The following MBD3 variants were observed in gnomAD, a reference collection of about 807,000 sequenced individuals.
MBD3 encodes the protein methyl-CpG binding domain protein 3, also known as methyl-CpG-binding domain protein 3.
A neutral mutation model predicts 31.2 loss-of-function variants in MBD3; 13 were observed. That is an observed-to-expected ratio of 0.42 (90% CI 0.27 to 0.66). MBD3 has a LOEUF of 0.66. MBD3 is among the 30% of genes least tolerant of loss of function. The pLI, the probability that MBD3 is intolerant of heterozygous loss-of-function variation, is 0.26. For synonymous variants in MBD3, 223 were observed against 187.4 expected (o/e 1.19, Z -1.55); for missense variants, 440 against 426.5 (o/e 1.03, Z -0.28).
rs1461267971 is a variant in MBD3, at chr19:1,579,203, AAAAAAAGC to A, written c.678-673_678-666del. On this transcript the variant is annotated intron_variant, in intron 5 of 6. Transcript: ENST00000434436. ...TGCCAAAAAAAAAAAAAAAAAAAAA[AAAAAAAGC>A]AAGCCTCACCAAAATCAGCTACCAT... 2.6e-3 allele frequency among the ~76,000 whole-genome samples: 395 copies of A among 149,634 alleles called. 3 individuals are homozygous for A. Among genetic ancestry groups the A allele is most frequent in the African/African-American group, 9.1e-3 (369 of 40,676 alleles).
At position 1,578,469 on chromosome 19, in the gene MBD3, C is replaced by T. The variant is rs35359736; in HGVS notation, c.747G>A (p.Ala249=). 4.1e-5 allele frequency: 66 copies of T among 1,610,128 alleles called. No homozygotes were observed. The highest frequency in any genetic ancestry group is 1.8e-4 in the Admixed American group (11 of 60,014). ...LEEALMADML[A]HVEELARDGE... is the part of the protein sequence containing the mutation. ...CGTCACGGGCCAGCTCCTCCACGTG[C>T]GCCAGCATGTCGGCCATCAGCGCCT... Residue 249 remains alanine, a synonymous_variant, in exon 6 of 7, where the codon GCG becomes GCA. Coordinates refer to ENST00000434436, the MANE Select transcript of MBD3 (RefSeq NM_001281453.2). The surrounding 1 kb of genome is among the most constrained non-coding windows in gnomAD (Gnocchi z 6.1).
chr19:1,582,275 G>A (rs926554591), intron 4 of MBD3, among the ~76,000 whole-genome samples: 16 of 152,154 alleles, frequency 1.1e-4, no homozygotes, highest in African/African-American at 3.9e-4. Context: ...GGACGTGCTG[G>A]GAGAGTACAG....
chr19:1,585,001 G>A lies in MBD3; in HGVS notation c.270+54C>T, dbSNP rs1599345001. The A allele has an allele frequency of 6.3e-7, 1 of 1,599,866 alleles. No individual in the cohort carries two copies. On this transcript the variant is annotated intron_variant, in intron 2 of 6. Transcript: ENST00000434436. The surrounding 1 kb of genome is among the most constrained non-coding windows in gnomAD (Gnocchi z 4.1). ...CGCCTGCAGCTCACGTCATGGCCGC[G>A]TCCCCGCCTAGAACGCCCCGCGCCG... is the stretch of plus-strand genomic sequence containing the variant.
chr19:1,588,068 T>A (rs2060687367), intron 1 of MBD3, among the ~76,000 whole-genome samples: 1 of 152,216 alleles, frequency 6.6e-6, no homozygotes, highest in African/African-American at 2.4e-5. Flanking sequence ...CAATCGCCTC[T>A]ATCCAGGATC....
chr19:1,578,758 C>T lies in MBD3; in HGVS notation c.678-220G>A, dbSNP rs544198738. Among the ~76,000 whole-genome samples, 30 of 152,262 alleles carry T rather than the reference C, an allele frequency of 2.0e-4. No individual in the cohort carries two copies. The highest frequency in any genetic ancestry group is 7.0e-4 in the African/African-American group (29 of 41,562). On this transcript the variant is annotated intron_variant, in intron 5 of 6. Coordinates refer to ENST00000434436, the MANE Select transcript of MBD3 (RefSeq NM_001281453.2). The surrounding 1 kb of genome is among the most constrained non-coding windows in gnomAD (Gnocchi z 6.1). ...CAGCGTCCGCCACCCTCCCAGATGG[C>T]CCCCCTGCCACCTCTACTGGGACCA...
At chr19:1,582,559 C>A in intron 4 of MBD3, 63 bp downstream of exon 4, 1 of 1,498,830 alleles carries the variant, frequency 6.7e-7, no homozygotes, top group South Asian at 1.2e-5. Context: ...GATGAGGGCA[C>A]CTGCAGCACC....
chr19:1,589,568 G>C lies in MBD3; in HGVS notation c.110+2954C>G, dbSNP rs529143406. On this transcript the variant is annotated intron_variant, in intron 1 of 6. Transcript: ENST00000434436. Reference sequence around the variant, plus strand: ...CTCAGGAGTCTGAGGCAGGAGAATCGCTTGAACTCAGGAGGTGGAGGCTGC... The same window carrying C: ...CTCAGGAGTCTGAGGCAGGAGAATCCCTTGAACTCAGGAGGTGGAGGCTGC... Among the ~76,000 whole-genome samples, 1,008 of 152,202 alleles carry C rather than the reference G, an allele frequency of 6.6e-3. 16 individuals carry two copies. Among genetic ancestry groups the C allele is most frequent in the African/African-American group, 0.022 (931 of 41,522 alleles).
chr19:1,584,014 G>T (rs1327092225), intron 3 of MBD3, among the ~76,000 whole-genome samples: 1 of 151,294 alleles, frequency 6.6e-6, no homozygotes, highest in Non-Finnish European at 1.5e-5. Flanking sequence ...TAGAGACGGG[G>T]TTTCACCATG....
At position 1,578,171 on chromosome 19, in the gene MBD3, G is replaced by A; in HGVS notation, c.*6-13C>T. ...CTCGGCAGGGCCTCTGGAAAGGACA[G>A]GGAGGGCTGGCTTTAGCGACTCCAC... On this transcript the variant is annotated splice_polypyrimidine_tract_variant and intron_variant, in intron 6 of 6. Coordinates refer to ENST00000434436, the MANE Select transcript of MBD3 (RefSeq NM_001281453.2). The surrounding 1 kb of genome is among the most constrained non-coding windows in gnomAD (Gnocchi z 6.1). 2 of 1,097,794 alleles carry A rather than the reference G, an allele frequency of 1.8e-6. No homozygotes were observed. The highest frequency in any genetic ancestry group is 1.3e-6 in the Non-Finnish European group (1 of 765,190). 68.0% of individuals were successfully genotyped at this position (1,097,794 alleles called of 1,614,324 possible). A position where few individuals can be genotyped will look rare whatever the true frequency, so the allele number is the denominator to read the frequency against.
At chr19:1,590,471 A>C (rs535813229) in intron 1 of MBD3, among the ~76,000 whole-genome samples, 13 of 152,144 alleles carry the variant, frequency 8.5e-5, no homozygotes, top group Middle Eastern at 3.4e-3. Context: ...TATAAAAATA[A>C]GCCAGGTATG....
At chr19:1,583,914 C>G (rs1461804512) in intron 3 of MBD3, among the ~76,000 whole-genome samples, 1 of 151,536 alleles carries the variant, frequency 6.6e-6, no homozygotes, top group African/African-American at 2.4e-5. Flanking sequence ...CTCCACCTCC[C>G]GGGTTCAAGT....
At chr19:1,584,509 G>T (rs956688184) in intron 3 of MBD3, 31 bp downstream of exon 3, 1 of 1,610,680 alleles carries the variant, frequency 6.2e-7, no homozygotes, top group African/African-American at 1.3e-5. Flanking sequence ...ACCCGGCCGG[G>T]AAGGCTGGGG....
rs1917247254 is a variant in MBD3, at chr19:1,578,000, C to G, written c.*164G>C. 3 of 443,924 alleles carry G rather than the reference C, an allele frequency of 6.8e-6. No homozygotes were observed. Among genetic ancestry groups the G allele is most frequent in the Admixed American group, 3.6e-5 (1 of 27,438 alleles). The allele number at this position is 443,924 out of a possible 1,614,324, so 27.5% of individuals were successfully genotyped here. On this transcript the variant is annotated 3_prime_UTR_variant, in exon 7 of 7. Transcript: ENST00000434436. ...GCAGCCCCAGCTGTGTGCCCCGAGG[C>G]CCCGGGAAGTGGGGACGGGCCGAGG...
In MBD3 at chr19:1,578,381, C is replaced by T; in HGVS notation, c.835G>A (p.Glu279Lys). ...TCCGGGTCCGGGTCGGGCTCCTCCT[C>T]CTCCTCCTCCTCGTCTTCCTCGTCG... ...DDDEEDEEEE[E>K]EEPDPDPEME... The change falls in exon 6 of 7, where the codon GAG (glutamate) becomes AAG (lysine). Residue 279 changes from glutamate to lysine, a missense_variant. Physicochemically the swap from Glu to Lys is moderately conservative, Grantham distance 56. Transcript: ENST00000434436. This position sits in a 1 kb window ranked among gnomAD's most constrained non-coding sequence, Gnocchi z 6.1. The T allele has an allele frequency of 1.2e-6, 2 of 1,603,836 alleles. No homozygotes were observed. The highest frequency in any genetic ancestry group is 1.3e-5 in the African/African-American group (1 of 75,052).
chr19:1,582,289 C>T lies in MBD3; in HGVS notation c.499+333G>A, dbSNP rs144821987. ...TGGACGTGCTGGGAGAGTACAGAAG[C>T]AAAGTCAGCTGTCCTTGTTTGTTTA... is the stretch of plus-strand genomic sequence containing the variant. On this transcript the variant is annotated intron_variant, in intron 4 of 6. Coordinates refer to ENST00000434436, the MANE Select transcript of MBD3 (RefSeq NM_001281453.2). Among the ~76,000 whole-genome samples the T allele has an allele frequency of 1.3e-3, 205 of 152,280 alleles. 1 individual carries two copies. Among genetic ancestry groups the T allele is most frequent in the African/African-American group, 4.8e-3 (199 of 41,562 alleles).
chr19:1,586,308 G>C (rs1168664362), intron 1 of MBD3: 1 of 152,278 alleles, frequency 6.6e-6, no homozygotes, highest in Admixed American at 6.5e-5. Flanking sequence ...AAAGGAGCGA[G>C]GCTCTGACAC....
In MBD3 at chr19:1,578,511, C is replaced by T. The variant is rs1917269595; in HGVS notation, c.705G>A (p.Val235=). The change falls in exon 6 of 7, where the codon GTG becomes GTA. Residue 235 remains valine, a synonymous_variant. Transcript: ENST00000434436. The surrounding 1 kb of genome is among the most constrained non-coding windows in gnomAD (Gnocchi z 6.1). The stretch of plus-strand genomic sequence containing the variant: ...TCAGCGCCTCCTCCAGCCGCTTCCG[C>T]ACCTGCTGCACCAGCTCTTCCTGCT... The part of the protein sequence containing the change: ...IRKQEELVQQ[V]RKRLEEALMA... 4 of 1,612,308 alleles carry T rather than the reference C, an allele frequency of 2.5e-6. No individual in the cohort carries two copies.
In MBD3 at chr19:1,574,089, G is replaced by C. The variant is rs1394487220; in HGVS notation, c.*4075C>G. On this transcript the variant is annotated 3_prime_UTR_variant, in exon 7 of 7. Coordinates refer to ENST00000434436, the MANE Select transcript of MBD3 (RefSeq NM_001281453.2). Reference sequence around the variant, plus strand: ...TCCCAGCACTTTGGGAGGCCGAGGTGGGGGATCACTTGAGGTCAGGAGTTC... The same window carrying C: ...TCCCAGCACTTTGGGAGGCCGAGGTCGGGGATCACTTGAGGTCAGGAGTTC... The C allele has an allele frequency of 6.6e-6, 1 of 152,142 alleles. No individual in the cohort carries two copies. The highest frequency in any genetic ancestry group is 6.6e-5 in the Admixed American group (1 of 15,248). The allele number at this position is 152,142 out of a possible 1,614,324, so 9.4% of individuals were successfully genotyped here.
intron 2 of MBD3, 64 bp downstream of exon 2, chr19:1,584,991 T>C (rs1395450141): frequency 5.8e-5 from 92 of 1,593,780 alleles, no homozygotes; most frequent in Non-Finnish European, 7.5e-5. Context: ...GCAGCTCACG[T>C]CATGGCCGCG....
Sources: gnomAD v4.1 joint callset for allele counts (sites outside exome capture counted in the v4.1 genomes callset) on GRCh38, gnomAD v4.1.1 for gene constraint, Gnocchi (gnomAD v3.1) non-coding constraint, MANE v1.5 for transcripts, NCBI Gene and HGNC (gene_info 2026-07-23, HGNC 2026-07-21) for gene names.